The following SEMA6D variants were observed in gnomAD, a reference collection of about 807,000 sequenced individuals.
SEMA6D encodes semaphorin 6D.
SEMA6D carries 35 observed loss-of-function variants against 106.6 expected under a neutral mutation model. The ratio of observed to expected loss-of-function variants is 0.33; its 90% CI spans 0.25 to 0.44. The LOEUF (loss-of-function observed/expected upper bound fraction) is 0.44. SEMA6D is among the 20% of genes least tolerant of loss of function. The pLI, the probability that SEMA6D is intolerant of heterozygous loss-of-function variation, is 1.00. For synonymous variants in SEMA6D, 499 were observed against 487.7 expected (o/e 1.02, Z -0.31); for missense variants, 1,185 against 1,345.9 (o/e 0.88, Z 1.87).
At chr15:47,429,323 A>C (rs1567073464) in intron 2 of SEMA6D, among the ~76,000 whole-genome samples, 1 of 152,138 alleles carries the variant, frequency 6.6e-6, no homozygotes, top group East Asian at 1.9e-4. Context: ...TCTTTTTAGC[A>C]TTCTTGTAAG....
At chr15:47,657,041 A>G (rs184488800) in intron 4 of SEMA6D, among the ~76,000 whole-genome samples, 6 of 152,350 alleles carry the variant, frequency 3.9e-5, no homozygotes, top group African/African-American at 1.4e-4. Context: ...TGCCAGATTC[A>G]CCTGAAATAT....
chr15:47,720,402 TTCTC>T (rs2079357865), intron 1 of SEMA6D, among the ~76,000 whole-genome samples: 2 of 152,204 alleles, frequency 1.3e-5, no homozygotes, highest in East Asian at 1.9e-4. Flanking sequence ...TTCCTCTTCT[TTCTC>T]TCTTTTTTTC....
chr15:47,366,630 C>G (rs2039039496), intron 1 of SEMA6D, among the ~76,000 whole-genome samples: 1 of 152,124 alleles, frequency 6.6e-6, no homozygotes, highest in African/African-American at 2.4e-5. Context: ...TGACATTAGA[C>G]CTTGGTCTTG....
intron 1 of SEMA6D, among the ~76,000 whole-genome samples, chr15:47,294,470 C>T (rs1460291124): frequency 6.6e-6 from 1 of 152,154 alleles, no homozygotes; most frequent in Non-Finnish European, 1.5e-5. Context: ...GCTTTGCCCA[C>T]CTTGGCCTCC....
chr15:47,671,299 T>G (rs1049573818), intron 4 of SEMA6D, among the ~76,000 whole-genome samples: 14 of 152,142 alleles, frequency 9.2e-5, no homozygotes, highest in Non-Finnish European at 2.1e-4. Context: ...TCCTTAAAGG[T>G]ATATACAAAA....
chr15:47,391,885 C>T (rs1448147863), intron 1 of SEMA6D, among the ~76,000 whole-genome samples: 2 of 152,048 alleles, frequency 1.3e-5, no homozygotes, highest in African/African-American at 4.8e-5. Flanking sequence ...CACTTTCCCC[C>T]ACCTCTGTTC....
intron 1 of SEMA6D, among the ~76,000 whole-genome samples, chr15:47,292,342 A>T (rs2035623096): frequency 6.6e-6 from 1 of 152,184 alleles, no homozygotes; most frequent in Non-Finnish European, 1.5e-5. Flanking sequence ...TGGCTATATA[A>T]AATTGCTTTT....
chr15:47,698,881 C>A (rs181471842), intron 4 of SEMA6D, among the ~76,000 whole-genome samples: 3 of 152,214 alleles, frequency 2.0e-5, no homozygotes, highest in Admixed American at 1.3e-4. Flanking sequence ...GATCCCTAGA[C>A]AGTATGATTT....
At chr15:47,468,867 G>A (rs2042742273) in intron 2 of SEMA6D, among the ~76,000 whole-genome samples, 1 of 152,072 alleles carries the variant, frequency 6.6e-6, no homozygotes, top group Non-Finnish European at 1.5e-5. Context: ...AACACACTAG[G>A]AAGCCATTCA....
chr15:47,276,051 G>C (rs2034795866), intron 1 of SEMA6D, among the ~76,000 whole-genome samples: 1 of 152,116 alleles, frequency 6.6e-6, no homozygotes, highest in African/African-American at 2.4e-5. Flanking sequence ...ATCAAATCCA[G>C]AGCAAGACCA....
At chr15:47,386,141 A>G (rs1180115781) in intron 1 of SEMA6D, among the ~76,000 whole-genome samples, 1 of 152,212 alleles carries the variant, frequency 6.6e-6, no homozygotes, top group Non-Finnish European at 1.5e-5. Context: ...CATTAGGTTC[A>G]AGGGGCTCAA....
At chr15:47,470,250 C>A (rs2042794231) in intron 2 of SEMA6D, among the ~76,000 whole-genome samples, 1 of 152,116 alleles carries the variant, frequency 6.6e-6, no homozygotes, top group Non-Finnish European at 1.5e-5. Context: ...AATAACCATG[C>A]CATATGTTTT....
At chr15:47,538,281 C>G (rs1475455928) in intron 3 of SEMA6D, among the ~76,000 whole-genome samples, 2 of 152,070 alleles carry the variant, frequency 1.3e-5, no homozygotes, top group Non-Finnish European at 2.9e-5. Flanking sequence ...CTAGTAGTGT[C>G]TGGTCCAGGA....
intron 1 of SEMA6D, among the ~76,000 whole-genome samples, chr15:47,216,028 T>C (rs539540004): frequency 5.9e-5 from 9 of 152,172 alleles, no homozygotes; most frequent in Non-Finnish European, 1.2e-4. Flanking sequence ...CAGGCAGTTC[T>C]TATGGGATGA....
intron 3 of SEMA6D, among the ~76,000 whole-genome samples, chr15:47,519,406 A>G (rs2044497587): frequency 6.6e-6 from 1 of 152,178 alleles, no homozygotes; most frequent in Non-Finnish European, 1.5e-5. Context: ...GCAGTCCATC[A>G]TTGACCAAAA....
chr15:47,407,089 G>A (rs372116636), intron 1 of SEMA6D, among the ~76,000 whole-genome samples: 63 of 152,152 alleles, frequency 4.1e-4, no homozygotes, highest in African/African-American at 1.4e-3. Flanking sequence ...AGGCCGGGCC[G>A]GGGGGTGGCT....
Position 47,765,977 on chromosome 15 carries a change from C to A in SEMA6D, c.1536C>A (p.Leu512=). ...CTAGCTGCATTATCCGCATCCCCCTCAGTCGCTGTGAGCGTTATGGATCAT... is the reference window on the plus strand; with the variant it reads ...CTAGCTGCATTATCCGCATCCCCCTAAGTCGCTGTGAGCGTTATGGATCAT... ...AFSSCIIRIP[L]SRCERYGSCK... is the part of the protein sequence containing the mutation. The change falls in exon 14 of 19, where the codon CTC becomes CTA. Residue 512 remains leucine (L), a synonymous_variant. Coordinates refer to ENST00000536845, the MANE Select transcript of SEMA6D (RefSeq NM_001358351.3). 1 of 1,596,080 alleles carries A rather than the reference C, an allele frequency of 6.3e-7. No homozygotes were observed. The highest frequency in any genetic ancestry group is 8.5e-7 in the Non-Finnish European group (1 of 1,170,760).
intron 1 of SEMA6D, among the ~76,000 whole-genome samples, chr15:47,392,745 G>T (rs554057419): frequency 6.2e-4 from 95 of 152,236 alleles, no homozygotes; most frequent in Middle Eastern, 3.4e-3. Flanking sequence ...ATTTTTTATG[G>T]CAACAGCAAG....
At chr15:47,573,963 G>A (rs4775697) in intron 3 of SEMA6D, among the ~76,000 whole-genome samples, 151,449 of 152,330 alleles carry the variant, frequency 0.99, 75,292 homozygotes, top group Middle Eastern at 1. Context: ...CAAATCTTCT[G>A]TGACAAAGCC....
Sources: gnomAD v4.1 joint callset for allele counts (sites outside exome capture counted in the v4.1 genomes callset) on GRCh38, gnomAD v4.1.1 for gene constraint, MANE v1.5 for transcripts, NCBI Gene and HGNC (gene_info 2026-07-23, HGNC 2026-07-21) for gene names.